TMEM181: variants seen among roughly 807,000 people sequenced by gnomAD.
TMEM181 encodes the protein transmembrane protein 181.
In TMEM181, 39 loss-of-function variants were observed where a neutral mutation model predicts 71.9. The observed-to-expected ratio is 0.54, with a 90% confidence interval of 0.42 to 0.71. TMEM181 has a LOEUF of 0.71. Ranked by LOEUF, TMEM181 falls within the 30% of genes least tolerant of loss-of-function variation. The probability of loss-of-function intolerance (pLI) is 0.00; values close to 1 mark genes in which losing one functional copy is unlikely to be tolerated. For synonymous variants in TMEM181, 245 were observed against 228.8 expected (o/e 1.07, Z -0.64); for missense variants, 595 against 583.0 (o/e 1.02, Z -0.21).
chr6:158,547,990 A>G (rs1562614013), intron 1 of TMEM181, among the ~76,000 whole-genome samples: 1 of 151,680 alleles, frequency 6.6e-6, no homozygotes, highest in Non-Finnish European at 1.5e-5. Context: ...CCCACAGACC[A>G]AAGAGCTGCT....
intron 13 of TMEM181, among the ~76,000 whole-genome samples, chr6:158,626,886 A>G (rs939726841): frequency 3.6e-5 from 5 of 136,990 alleles, no homozygotes; most frequent in African/African-American, 1.4e-4. Flanking sequence ...ACACTCTCAC[A>G]CCCCCACACC....
At position 158,634,857 on chromosome 6, in the gene TMEM181, T is replaced by A. The variant is rs2128335791; in HGVS notation, c.*2969T>A. The A allele has an allele frequency of 6.6e-6, 1 of 152,302 alleles. No homozygotes were observed. Among genetic ancestry groups the A allele is most frequent in the Non-Finnish European group, 1.5e-5 (1 of 68,034 alleles). 9.4% of individuals were successfully genotyped at this position (152,302 alleles called of 1,614,324 possible). A position where few individuals can be genotyped will look rare whatever the true frequency, so the allele number is the denominator to read the frequency against. On this transcript the variant is annotated 3_prime_UTR_variant, in exon 17 of 17. Coordinates refer to ENST00000684151, the MANE Select transcript of TMEM181 (RefSeq NM_001376852.1). ...TTATGTTAAATAGATTATAATGTGGTAAATTATTTCCTGAATCCTTTATCA... is the reference window on the plus strand; with the variant it reads ...TTATGTTAAATAGATTATAATGTGGAAAATTATTTCCTGAATCCTTTATCA...
At position 158,627,291 on chromosome 6, in the gene TMEM181, C is replaced by A. The variant is rs568394170; in HGVS notation, c.1110-1117C>A. Among the ~76,000 whole-genome samples the A allele has an allele frequency of 5.9e-5, 9 of 152,326 alleles. No individual in the cohort carries two copies. The South Asian group carries it at 1.9e-3, about 32-fold the overall frequency. On this transcript the variant is annotated intron_variant, in intron 13 of 16. Transcript: ENST00000684151. Reference sequence around the variant, plus strand: ...GGCCTCCGTCTCGGAAGTTGCCCTGCCATGTGATCTCTCTTCACATAGGTG... The same window carrying A: ...GGCCTCCGTCTCGGAAGTTGCCCTGACATGTGATCTCTCTTCACATAGGTG...
chr6:158,582,749 C>T (rs1287339131), intron 3 of TMEM181, among the ~76,000 whole-genome samples: 13 of 152,122 alleles, frequency 8.5e-5, no homozygotes, highest in Admixed American at 8.5e-4. Context: ...CATGGGTGGG[C>T]TGCTTCAGTA....
At position 158,631,838 on chromosome 6, in the gene TMEM181, A is replaced by T; in HGVS notation, c.1378A>T (p.Asn460Tyr). 2 of 1,601,970 alleles carry T rather than the reference A, an allele frequency of 1.2e-6. No individual in the cohort carries two copies. The highest frequency in any genetic ancestry group is 1.7e-6 in the Non-Finnish European group (2 of 1,173,954). Residue 460 changes from asparagine to tyrosine, a missense_variant, in exon 17 of 17, where the codon AAC becomes TAC. By Grantham distance (143) the Asn-to-Tyr change is moderately radical. Coordinates refer to ENST00000684151, the MANE Select transcript of TMEM181 (RefSeq NM_001376852.1). ...GSDYEEMPLQ[N>Y]GQAIRAKYKE... is the part of the protein sequence containing the mutation. ...TGACTATGAGGAAATGCCGCTGCAGAACGGCCAGGCCATCCGGGCCAAGTA... is the reference window on the plus strand; with the variant it reads ...TGACTATGAGGAAATGCCGCTGCAGTACGGCCAGGCCATCCGGGCCAAGTA...
At chr6:158,596,875 A>G (rs939865717) in intron 6 of TMEM181, among the ~76,000 whole-genome samples, 1 of 152,196 alleles carries the variant, frequency 6.6e-6, no homozygotes, top group Admixed American at 6.5e-5. Flanking sequence ...GGTCCCCATG[A>G]TTCGATGACC....
At position 158,560,678 on chromosome 6, in the gene TMEM181, C is replaced by G. The variant is rs1269410351; in HGVS notation, c.8+446C>G. On this transcript the variant is annotated intron_variant, in intron 1 of 16. Coordinates refer to ENST00000684151, the MANE Select transcript of TMEM181 (RefSeq NM_001376852.1). ...AGAGCGCCCCGCGCTGCCCTGCGGT[C>G]TCGCCCAGCGCCGGGTGCGAGGCTC... Among the ~76,000 whole-genome samples, 3 of 152,222 alleles carry G rather than the reference C, an allele frequency of 2.0e-5. No homozygotes were observed. The East Asian group carries it at 5.8e-4, about 29-fold the overall frequency.
intron 5 of TMEM181, among the ~76,000 whole-genome samples, chr6:158,586,158 G>T (rs1783761049): frequency 6.6e-6 from 1 of 152,146 alleles, no homozygotes; most frequent in Admixed American, 6.5e-5. Context: ...AGGAAACCTG[G>T]GTCCACAGTG....
At chr6:158,563,213 G>A (rs773953021) in intron 1 of TMEM181, among the ~76,000 whole-genome samples, 24 of 152,228 alleles carry the variant, frequency 1.6e-4, no homozygotes, top group Non-Finnish European at 2.6e-4. Context: ...GTGCGATCTC[G>A]GCTCACTGCA....
intron 1 of TMEM181, among the ~76,000 whole-genome samples, chr6:158,547,887 CAAAAAAAAAAAA>C (rs34148643): frequency 1.9e-3 from 108 of 57,056 alleles, no homozygotes; most frequent in African/African-American, 6.8e-3. Context: ...AACTCTGTCT[CAAAAAAAAAAAA>C]AAAAAAAAAA....
intron 1 of TMEM181, among the ~76,000 whole-genome samples, chr6:158,571,542 C>G (rs570280833): frequency 6.6e-6 from 1 of 150,746 alleles, no homozygotes; most frequent in East Asian, 1.9e-4. Context: ...TCGTGATCCG[C>G]CCGCCTTGGC....
intron 6 of TMEM181, among the ~76,000 whole-genome samples, chr6:158,594,081 C>T (rs779344352): frequency 4.1e-5 from 6 of 146,868 alleles, no homozygotes; most frequent in Non-Finnish European, 7.5e-5. Context: ...TGTCTTTTTA[C>T]TATTTCCATG....
At chr6:158,571,717 T>C (rs1562627415) in intron 1 of TMEM181, among the ~76,000 whole-genome samples, 1 of 152,238 alleles carries the variant, frequency 6.6e-6, no homozygotes, top group African/African-American at 2.4e-5. Flanking sequence ...CTTCACACTT[T>C]GCAGGGCTTG....
At chr6:158,572,959 C>CAGTA (rs1782950204) in intron 1 of TMEM181, among the ~76,000 whole-genome samples, 2 of 151,714 alleles carry the variant, frequency 1.3e-5, no homozygotes, top group Non-Finnish European at 2.9e-5. Flanking sequence ...GTGGTGCTGG[C>CAGTA]AGTACCTGGA....
chr6:158,620,081 C>T lies in TMEM181; in HGVS notation c.897-3469C>T, dbSNP rs1388893552. On this transcript the variant is annotated intron_variant, in intron 10 of 16. Transcript: ENST00000684151. The surrounding 1 kb of genome is among the most constrained non-coding windows in gnomAD (Gnocchi z 4.5). ...TTTGTATTGGGACCAGGCCATATTG[C>T]AATAAAAAACTAAACACTTTGGCTT... Among the ~76,000 whole-genome samples the T allele has an allele frequency of 6.6e-6, 1 of 151,992 alleles. No homozygotes were observed. The highest frequency in any genetic ancestry group is 1.5e-5 in the Non-Finnish European group (1 of 67,998).
intron 6 of TMEM181, among the ~76,000 whole-genome samples, chr6:158,590,211 C>T (rs943395202): frequency 1.2e-4 from 19 of 152,022 alleles, no homozygotes; most frequent in Non-Finnish European, 2.9e-5. Flanking sequence ...TCAGTATAAC[C>T]AGCATAGTGA....
At chr6:158,599,045 C>G (rs899950532) in intron 6 of TMEM181, among the ~76,000 whole-genome samples, 4 of 152,204 alleles carry the variant, frequency 2.6e-5, no homozygotes, top group African/African-American at 9.6e-5. Flanking sequence ...TGGTGCTGCA[C>G]AGGTCGCTGT....
chr6:158,631,896 C>A lies in TMEM181; in HGVS notation c.*8C>A. On this transcript the variant is annotated 3_prime_UTR_variant, in exon 17 of 17. Transcript: ENST00000684151. ...GAGTCAGATAGTGACTGAGCCCCGG[C>A]CAGCCCAGCGAGGCGACAAGATGCC... 1 of 1,580,000 alleles carries A rather than the reference C, an allele frequency of 6.3e-7. No homozygotes were observed. The highest frequency in any genetic ancestry group is 8.6e-7 in the Non-Finnish European group (1 of 1,162,188).
At chr6:158,584,804 C>T (rs1299974929) in intron 4 of TMEM181, among the ~76,000 whole-genome samples, 1 of 152,064 alleles carries the variant, frequency 6.6e-6, no homozygotes, top group Non-Finnish European at 1.5e-5. Context: ...ACGTATTTGT[C>T]TAGAAAATGG....
Sources: gnomAD v4.1 joint callset for allele counts (sites outside exome capture counted in the v4.1 genomes callset) on GRCh38, gnomAD v4.1.1 for gene constraint, Gnocchi (gnomAD v3.1) non-coding constraint, MANE v1.5 for transcripts, NCBI Gene and HGNC (gene_info 2026-07-23, HGNC 2026-07-21) for gene names.